The following ZNF148 variants were observed in gnomAD, a reference collection of about 807,000 sequenced individuals.
The protein encoded by ZNF148 is zinc finger protein 148, also known as Beta-Enolase Repressor Factor-1.
ZNF148 carries 7 observed loss-of-function variants against 67.7 expected under a neutral mutation model. That is an observed-to-expected ratio of 0.10 (90% CI 0.06 to 0.19). The LOEUF is 0.19. Among genes scored for constraint, ZNF148 ranks in the 10% least tolerant of loss-of-function variants. The pLI, the probability that ZNF148 is intolerant of heterozygous loss-of-function variation, is 1.00. For missense variants in ZNF148, 583 were observed against 947.1 expected, an observed-to-expected ratio of 0.62 and a Z score of 5.05; for synonymous variants, 333 against 330.7, an observed-to-expected ratio of 1.01 and a Z score of -0.08.
At chr3:125,322,547 T>C (rs1940831774) in intron 3 of ZNF148, among the ~76,000 whole-genome samples, 1 of 151,958 alleles carries the variant, frequency 6.6e-6, no homozygotes, top group Admixed American at 6.6e-5. Context: ...CTCTTAAAGG[T>C]AAAGAGAATG....
intron 1 of ZNF148, among the ~76,000 whole-genome samples, chr3:125,360,138 CCT>C (rs1476661097): frequency 1.5e-4 from 23 of 152,236 alleles, no homozygotes; most frequent in African/African-American, 5.5e-4. Flanking sequence ...GCTACTCTCT[CCT>C]CTCTTATGCC....
At chr3:125,294,226 T>C (rs966205305) in intron 4 of ZNF148, among the ~76,000 whole-genome samples, 1 of 152,170 alleles carries the variant, frequency 6.6e-6, no homozygotes, top group African/African-American at 2.4e-5. Flanking sequence ...AAAGTCTGCA[T>C]TCAACTGAAA....
chr3:125,294,033 A>G (rs2107636222), intron 4 of ZNF148, among the ~76,000 whole-genome samples: 1 of 152,344 alleles, frequency 6.6e-6, no homozygotes, highest in Admixed American at 6.5e-5. Context: ...TTTAAGACCT[A>G]TCCACATTAT....
chr3:125,256,268 T>C (rs1030413035), intron 7 of ZNF148, among the ~76,000 whole-genome samples: 1 of 150,732 alleles, frequency 6.6e-6, no homozygotes, highest in Non-Finnish European at 1.5e-5. Context: ...CTCGGGAGGC[T>C]GAGGCAGGAG....
intron 3 of ZNF148, among the ~76,000 whole-genome samples, chr3:125,317,717 T>A (rs199798622): frequency 0.058 from 5,835 of 99,898 alleles, 303 homozygotes; most frequent in East Asian, 0.19. Context: ...ATATATATTT[T>A]TTTTTTTTTC....
At chr3:125,347,145 C>T (rs1450610034) in intron 1 of ZNF148, among the ~76,000 whole-genome samples, 1 of 152,032 alleles carries the variant, frequency 6.6e-6, no homozygotes, top group East Asian at 1.9e-4. Flanking sequence ...AAAACAGGTA[C>T]AAGACATGTA....
chr3:125,258,825 A>C (rs1021257697), intron 7 of ZNF148, among the ~76,000 whole-genome samples: 1 of 152,196 alleles, frequency 6.6e-6, no homozygotes, highest in Admixed American at 6.5e-5. Context: ...TTAAAAATTC[A>C]TAATGTTCTT....
chr3:125,328,562 C>T (rs1303877093), intron 2 of ZNF148, among the ~76,000 whole-genome samples: 2 of 151,482 alleles, frequency 1.3e-5, no homozygotes, highest in South Asian at 2.1e-4. Flanking sequence ...ATGTATGTTA[C>T]CATAAATATA....
intron 7 of ZNF148, among the ~76,000 whole-genome samples, chr3:125,244,380 C>T (rs148815236): frequency 2.6e-5 from 4 of 152,292 alleles, no homozygotes; most frequent in African/African-American, 7.2e-5. Context: ...CAACTGCAAA[C>T]CTTCCTTTCC....
At chr3:125,339,448 A>G (rs982476763) in intron 1 of ZNF148, among the ~76,000 whole-genome samples, 23 of 152,234 alleles carry the variant, frequency 1.5e-4, no homozygotes, top group African/African-American at 5.5e-4. Context: ...AATGCTCAGA[A>G]TTCAAAAACT....
At chr3:125,252,785 A>AC (rs1461436688) in intron 7 of ZNF148, among the ~76,000 whole-genome samples, 5 of 130,272 alleles carry the variant, frequency 3.8e-5, no homozygotes, top group Non-Finnish European at 6.7e-5. Flanking sequence ...AAAAAAAAAA[A>AC]CCCACAAAAA....
At chr3:125,277,557 T>C (rs1220220873) in intron 7 of ZNF148, among the ~76,000 whole-genome samples, 169 bp downstream of exon 7, 1 of 152,210 alleles carries the variant, frequency 6.6e-6, no homozygotes, top group Non-Finnish European at 1.5e-5. Context: ...GACATTAAAG[T>C]TAAGTCTTAA....
chr3:125,319,584 A>G (rs1409149896), intron 3 of ZNF148, among the ~76,000 whole-genome samples: 1 of 152,200 alleles, frequency 6.6e-6, no homozygotes, highest in African/African-American at 2.4e-5. Flanking sequence ...TTCCAAATTA[A>G]TATGTTTATG....
intron 4 of ZNF148, among the ~76,000 whole-genome samples, chr3:125,313,058 G>A (rs1484134035): frequency 2.0e-5 from 3 of 152,044 alleles, no homozygotes; most frequent in Admixed American, 2.0e-4. Flanking sequence ...TTAAAATTAA[G>A]CATTTAAAAT....
chr3:125,367,122 A>C (rs1263426580), intron 1 of ZNF148, among the ~76,000 whole-genome samples: 1 of 152,252 alleles, frequency 6.6e-6, no homozygotes, highest in African/African-American at 2.4e-5. Context: ...TTATCTGTTA[A>C]ATAAAGCTCA....
intron 1 of ZNF148, among the ~76,000 whole-genome samples, chr3:125,360,432 T>C (rs1942500219): frequency 6.6e-6 from 1 of 152,076 alleles, no homozygotes; most frequent in Non-Finnish European, 1.5e-5. Flanking sequence ...ACTATAGGTG[T>C]GCACCACCAT....
chr3:125,300,072 A>T (rs1017823609), intron 4 of ZNF148, among the ~76,000 whole-genome samples: 1 of 152,162 alleles, frequency 6.6e-6, no homozygotes, highest in Non-Finnish European at 1.5e-5. Context: ...CCCAGGTTCA[A>T]GCAATTCTCG....
intron 1 of ZNF148, among the ~76,000 whole-genome samples, chr3:125,368,684 C>A (rs1012094848): frequency 6.6e-6 from 1 of 151,706 alleles, no homozygotes; most frequent in Admixed American, 6.6e-5. Context: ...ATGACTCATG[C>A]CTGAAATCAC....
Position 125,228,854 on chromosome 3 carries a change from A to G in ZNF148, c.*3487T>C, listed in dbSNP as rs2107820647. 6.5e-6 allele frequency: 1 copy of G among 152,748 alleles called. No individual in the cohort carries two copies. The highest frequency in any genetic ancestry group is 2.1e-4 in the South Asian group (1 of 4,824). The allele number at this position is 152,748 out of a possible 1,614,324, so 9.5% of individuals were successfully genotyped here. ...TTTACAGCATGGTATTGCATAAAAA[A>G]ATAAAATAATGTTTACAGGGTTTTA... On this transcript the variant is annotated 3_prime_UTR_variant, in exon 9 of 9. Coordinates refer to ENST00000360647, the MANE Select transcript of ZNF148 (RefSeq NM_021964.3).
Sources: gnomAD v4.1 joint callset for allele counts (sites outside exome capture counted in the v4.1 genomes callset) on GRCh38, gnomAD v4.1.1 for gene constraint, MANE v1.5 for transcripts, NCBI Gene and HGNC (gene_info 2026-07-23, HGNC 2026-07-21) for gene names.